CUX1: variants seen among roughly 807,000 people sequenced by gnomAD.
The protein encoded by CUX1 is cut like homeobox 1.
In CUX1, 31 loss-of-function variants were observed where a neutral mutation model predicts 158.8. The ratio of observed to expected loss-of-function variants is 0.20; its 90% CI spans 0.15 to 0.26. The LOEUF is 0.26. CUX1 is among the 10% of genes least tolerant of loss of function. CUX1 has a pLI of 1.00. For synonymous variants in CUX1, 879 were observed against 862.1 expected, an observed-to-expected ratio of 1.02 and a Z score of -0.34; for missense variants, 1,589 against 2,014.6, an observed-to-expected ratio of 0.79 and a Z score of 4.04.
rs17134946 is a variant in CUX1, at chr7:101,967,663, G to T, written c.141+51438G>T. ...TTTAATTAAACCACATTCTTGAAATGGTCTGCACTATAGGAAGGGATGTTG... is the reference window on the plus strand; with the variant it reads ...TTTAATTAAACCACATTCTTGAAATTGTCTGCACTATAGGAAGGGATGTTG... On this transcript the variant is annotated intron_variant, in intron 2 of 23. Transcript: ENST00000292535. Among the ~76,000 whole-genome samples, 585 of 152,238 alleles carry T rather than the reference G, an allele frequency of 3.8e-3. 6 individuals carry two copies. The highest frequency in any genetic ancestry group is 0.013 in the African/African-American group (552 of 41,518).
At chr7:102,006,202 G>A (rs1030810667) in intron 2 of CUX1, among the ~76,000 whole-genome samples, 33 of 152,064 alleles carry the variant, frequency 2.2e-4, no homozygotes, top group African/African-American at 3.4e-4. Context: ...CCACTGGCTC[G>A]GAAGTCGGTC....
At chr7:102,229,500 CAG>C (rs1232469649) in intron 21 of CUX1, among the ~76,000 whole-genome samples, 1 of 151,230 alleles carries the variant, frequency 6.6e-6, no homozygotes, top group African/African-American at 2.4e-5. Flanking sequence ...TTAGTAGAGA[CAG>C]GGTTTCACCA....
intron 3 of CUX1, among the ~76,000 whole-genome samples, chr7:102,050,204 T>G (rs1240558530): frequency 6.6e-6 from 1 of 152,212 alleles, no homozygotes; most frequent in Non-Finnish European, 1.5e-5. Context: ...TGACCTTGAA[T>G]ATCTCATGTC....
At chr7:102,067,583 A>G (rs1421908606) in intron 3 of CUX1, among the ~76,000 whole-genome samples, 2 of 151,834 alleles carry the variant, frequency 1.3e-5, no homozygotes, top group African/African-American at 4.8e-5. Context: ...AATAGAAATA[A>G]AGACCTGATA....
chr7:102,162,025 G>T (rs1026379369), intron 9 of CUX1, among the ~76,000 whole-genome samples: 5 of 152,138 alleles, frequency 3.3e-5, no homozygotes, highest in Non-Finnish European at 7.3e-5. Context: ...GAACTAGGGG[G>T]TTCGGAGACG....
intron 4 of CUX1, 30 bp downstream of exon 4, chr7:102,070,447 G>T (rs375830413): frequency 1.4e-5 from 22 of 1,560,598 alleles, no homozygotes; most frequent in Admixed American, 1.1e-4. Context: ...GCCCACCAGT[G>T]GGGGGCGTTG....
intron 6 of CUX1, among the ~76,000 whole-genome samples, chr7:102,109,438 G>C (rs908702620): frequency 4.6e-5 from 7 of 152,164 alleles, no homozygotes; most frequent in Non-Finnish European, 1.0e-4. Context: ...TTGTTGGTGG[G>C]AGTTTAAATT....
At chr7:102,278,735 A>T (rs1222547993) in intron 18 of CUX1, among the ~76,000 whole-genome samples, 1 of 149,070 alleles carries the variant, frequency 6.7e-6, no homozygotes, top group African/African-American at 2.4e-5. Flanking sequence ...AATAATAAAT[A>T]AAATAAAATA....
intron 1 of CUX1, among the ~76,000 whole-genome samples, chr7:101,902,511 C>T (rs1282406638): frequency 6.6e-6 from 1 of 152,182 alleles, no homozygotes; most frequent in Non-Finnish European, 1.5e-5. Flanking sequence ...GAAATGTAAT[C>T]CACATGTGGC....
At position 102,247,852 on chromosome 7, in the gene CUX1, C is replaced by T. The variant is rs782134838; in HGVS notation, c.3888-560C>T. ...GTTTTTGAAAAATAAAATAAGTGGC[C>T]GGACGCAGTGGCTCACACCTGTAAT... On this transcript the variant is annotated intron_variant, in intron 23 of 23. Transcript: ENST00000292535. Among the ~76,000 whole-genome samples the T allele has an allele frequency of 2.0e-5, 3 of 151,982 alleles. No homozygotes were observed. In the East Asian group the frequency reaches 5.8e-4, roughly 29 times the overall value.
intron 20 of CUX1, among the ~76,000 whole-genome samples, chr7:102,213,318 C>T (rs1169180141): frequency 6.6e-6 from 1 of 152,196 alleles, no homozygotes; most frequent in Non-Finnish European, 1.5e-5. Context: ...TTGGAAGTTG[C>T]CTGTTCATTG....
chr7:101,886,020 G>A (rs1800187064), intron 1 of CUX1, among the ~76,000 whole-genome samples: 1 of 152,114 alleles, frequency 6.6e-6, no homozygotes, highest in Non-Finnish European at 1.5e-5. Flanking sequence ...GTGCAGCCTG[G>A]CCCCAGGATC....
intron 2 of CUX1, among the ~76,000 whole-genome samples, chr7:101,921,410 T>G (rs1804912272): frequency 6.6e-6 from 1 of 152,018 alleles, no homozygotes; most frequent in Non-Finnish European, 1.5e-5. Flanking sequence ...TCCTCAGAGC[T>G]AGCTTGGGGA....
intron 1 of CUX1, among the ~76,000 whole-genome samples, chr7:101,887,315 CT>C (rs1002980537): frequency 9.4e-5 from 14 of 149,654 alleles, no homozygotes; most frequent in Non-Finnish European, 1.3e-4. Context: ...TTTTTTCTTT[CT>C]TTTTTTTTAG....
At chr7:101,993,782 G>A (rs1452086822) in intron 2 of CUX1, among the ~76,000 whole-genome samples, 3 of 152,102 alleles carry the variant, frequency 2.0e-5, no homozygotes, top group African/African-American at 7.2e-5. Flanking sequence ...ATCCCTGCCT[G>A]CCCCTCCCGG....
intron 19 of CUX1, chr7:102,280,148 G>T: frequency 1.3e-6 from 2 of 1,512,212 alleles, no homozygotes. Context: ...GGGCAGGGGA[G>T]GGGAGGGGCA....
chr7:102,011,448 G>A (rs1261521506), intron 2 of CUX1, among the ~76,000 whole-genome samples: 1 of 151,730 alleles, frequency 6.6e-6, no homozygotes, highest in Non-Finnish European at 1.5e-5. Flanking sequence ...CTGCTTGCTT[G>A]CTTGCTTATT....
At chr7:102,221,769 A>T (rs935347210) in intron 20 of CUX1, among the ~76,000 whole-genome samples, 4 of 151,178 alleles carry the variant, frequency 2.6e-5, no homozygotes, top group Non-Finnish European at 5.9e-5. Flanking sequence ...AAATTAATTC[A>T]CATAGATGAC....
chr7:102,216,904 CACAT>C (rs1307073378), intron 20 of CUX1, among the ~76,000 whole-genome samples: 3 of 140,482 alleles, frequency 2.1e-5, no homozygotes, highest in East Asian at 2.3e-4. Flanking sequence ...CACACACACA[CACAT>C]TTGCAGTGAT....
Sources: gnomAD v4.1 joint callset for allele counts (sites outside exome capture counted in the v4.1 genomes callset) on GRCh38, gnomAD v4.1.1 for gene constraint, MANE v1.5 for transcripts, NCBI Gene and HGNC (gene_info 2026-07-23, HGNC 2026-07-21) for gene names.